NHSL1: variants seen among roughly 807,000 people sequenced by gnomAD.
NHSL1 encodes the protein NHS like 1.
Under a neutral mutation model 95.0 loss-of-function variants are expected in NHSL1, and 48 were observed. The ratio of observed to expected loss-of-function variants is 0.51; its 90% CI spans 0.40 to 0.64. The LOEUF (loss-of-function observed/expected upper bound fraction) is 0.64, where lower values mean the gene tolerates loss of function less well. NHSL1 is among the 30% of genes least tolerant of loss of function. The pLI, the probability that NHSL1 is intolerant of heterozygous loss-of-function variation, is 0.00. For synonymous variants in NHSL1, 783 were observed against 833.9 expected, an observed-to-expected ratio of 0.94 and a Z score of 1.05; for missense variants, 1,971 against 2,077.7, an observed-to-expected ratio of 0.95 and a Z score of 1.00.
chr6:138,665,418 G>A (rs751113434), intron 1 of NHSL1, among the ~76,000 whole-genome samples: 12 of 152,146 alleles, frequency 7.9e-5, no homozygotes, highest in Non-Finnish European at 1.6e-4. Flanking sequence ...CCTTCTTCCC[G>A]ACTTTACAAC....
At chr6:138,590,467 C>T (rs998687645) in intron 1 of NHSL1, among the ~76,000 whole-genome samples, 7 of 152,178 alleles carry the variant, frequency 4.6e-5, no homozygotes, top group Non-Finnish European at 7.3e-5. Flanking sequence ...AAGCCCCTGC[C>T]CCTCTTCCCT....
At chr6:138,651,946 T>C (rs1257160645) in intron 1 of NHSL1, among the ~76,000 whole-genome samples, 2 of 152,176 alleles carry the variant, frequency 1.3e-5, no homozygotes, top group African/African-American at 4.8e-5. Context: ...ATAAGTATAC[T>C]CAATGTTAAT....
At chr6:138,533,133 G>A (rs1292125422) in intron 1 of NHSL1, among the ~76,000 whole-genome samples, 1 of 152,022 alleles carries the variant, frequency 6.6e-6, no homozygotes, top group African/African-American at 2.4e-5. Context: ...CACATTTAGA[G>A]AAAATGAGGA....
intron 1 of NHSL1, among the ~76,000 whole-genome samples, chr6:138,554,774 G>A (rs1332347769): frequency 1.3e-5 from 2 of 152,162 alleles, no homozygotes; most frequent in African/African-American, 4.8e-5. Flanking sequence ...CTATAAAAAG[G>A]TAGTTTACTT....
At chr6:138,674,355 T>C (rs992167967) in intron 1 of NHSL1, among the ~76,000 whole-genome samples, 5 of 152,176 alleles carry the variant, frequency 3.3e-5, no homozygotes, top group Non-Finnish European at 5.9e-5. Flanking sequence ...GTGCAGGATG[T>C]GCAGGTTTGT....
chr6:138,659,048 T>TC (rs1368988641), intron 1 of NHSL1, among the ~76,000 whole-genome samples: 21 of 120,376 alleles, frequency 1.7e-4, no homozygotes, highest in African/African-American at 6.4e-4. Context: ...TGGACTATCT[T>TC]TTTTTTTTTT....
At chr6:138,505,937 T>C (rs1780940968) in intron 1 of NHSL1, among the ~76,000 whole-genome samples, 2 of 152,212 alleles carry the variant, frequency 1.3e-5, no homozygotes, top group South Asian at 4.1e-4. Context: ...GAAGACTGTA[T>C]ATGACTAAGG....
intron 1 of NHSL1, among the ~76,000 whole-genome samples, chr6:138,557,601 C>T (rs535912731): frequency 6.6e-6 from 1 of 152,314 alleles, no homozygotes; most frequent in East Asian, 1.9e-4. Flanking sequence ...TATTCAGCGG[C>T]CATCAGGGCA....
chr6:138,572,748 G>A (rs556287803), upstream of NHSL1, among the ~76,000 whole-genome samples: 1 of 152,330 alleles, frequency 6.6e-6, no homozygotes, highest in African/African-American at 2.4e-5. Context: ...ATGCAAGTCT[G>A]TGCAGAATAC....
chr6:138,601,737 G>A (rs578206685), intron 1 of NHSL1, among the ~76,000 whole-genome samples: 41 of 152,114 alleles, frequency 2.7e-4, no homozygotes, highest in Admixed American at 5.9e-4. Context: ...GCTTGAACCC[G>A]GGAGGTGGAG....
At chr6:138,615,152 C>T (rs559884526) in intron 1 of NHSL1, among the ~76,000 whole-genome samples, 3 of 152,270 alleles carry the variant, frequency 2.0e-5, no homozygotes, top group South Asian at 2.1e-4. Context: ...TGCAGCAGGG[C>T]GTGAGCCAGG....
At chr6:138,638,121 C>T (rs1056113512) in intron 1 of NHSL1, among the ~76,000 whole-genome samples, 1 of 151,876 alleles carries the variant, frequency 6.6e-6, no homozygotes, top group Non-Finnish European at 1.5e-5. Context: ...GAAAGACAAA[C>T]ATAACATGTT....
chr6:138,505,321 G>A (rs775068609), intron 1 of NHSL1, among the ~76,000 whole-genome samples: 9 of 152,148 alleles, frequency 5.9e-5, no homozygotes, highest in Admixed American at 6.5e-5. Context: ...TCATATGTAC[G>A]CATTTCGAAT....
At chr6:138,659,153 G>A (rs777420153) in intron 1 of NHSL1, among the ~76,000 whole-genome samples, 1 of 149,618 alleles carries the variant, frequency 6.7e-6, no homozygotes, top group South Asian at 2.1e-4. Flanking sequence ...GAGTTCAAGT[G>A]ATTCTCCTGC....
At chr6:138,647,500 A>G (rs754304930) in intron 1 of NHSL1, among the ~76,000 whole-genome samples, 1 of 152,178 alleles carries the variant, frequency 6.6e-6, no homozygotes, top group African/African-American at 2.4e-5. Flanking sequence ...AACATTTGTA[A>G]TCAGTCAACC....
intron 1 of NHSL1, among the ~76,000 whole-genome samples, chr6:138,497,360 T>C (rs1289845023): frequency 6.6e-6 from 1 of 152,220 alleles, no homozygotes; most frequent in Non-Finnish European, 1.5e-5. Flanking sequence ...AGGCATTTGC[T>C]TGAGGTAGCA....
At chr6:138,620,756 G>C (rs1447125116) in intron 1 of NHSL1, among the ~76,000 whole-genome samples, 1 of 152,164 alleles carries the variant, frequency 6.6e-6, no homozygotes, top group African/African-American at 2.4e-5. Context: ...AACTGTGCCA[G>C]TAAATATAAC....
At position 138,424,920 on chromosome 6, in the gene NHSL1, A is replaced by AAGT; in HGVS notation, c.4086-105_4086-104insACT. On this transcript the variant is annotated intron_variant, in intron 7 of 7. Transcript: ENST00000343505. The surrounding 1 kb of genome is among the most constrained non-coding windows in gnomAD (Gnocchi z 5.9). ...CGCATCTTCAGGTCACCATCTACTT[A>AAGT]AGATTCACTTTCAAAAAATTTATTT... The AAGT allele has an allele frequency of 1.0e-6, 1 of 970,540 alleles. No homozygotes were observed. The highest frequency in any genetic ancestry group is 1.7e-5 in the South Asian group (1 of 57,396). 60.1% of individuals were successfully genotyped at this position (970,540 alleles called of 1,614,324 possible).
chr6:138,580,448 C>T (rs895484188), intron 1 of NHSL1, among the ~76,000 whole-genome samples: 4 of 152,140 alleles, frequency 2.6e-5, no homozygotes, highest in Non-Finnish European at 4.4e-5. Flanking sequence ...TTCTAGCAGT[C>T]GGGAGATTTA....
Sources: allele counts gnomAD v4.1 joint callset (sites outside exome capture counted in the v4.1 genomes callset), GRCh38; gene constraint gnomAD v4.1.1; non-coding constraint Gnocchi (gnomAD v3.1); transcripts MANE v1.5; gene names NCBI Gene and HGNC (gene_info 2026-07-23, HGNC 2026-07-21).